The following CEP152 variants were observed in gnomAD, a reference collection of about 807,000 sequenced individuals.
CEP152 encodes the protein centrosomal protein of 152 kDa.
In CEP152, 132 loss-of-function variants were observed where a neutral mutation model predicts 188.9. The ratio of observed to expected loss-of-function variants is 0.70; its 90% CI spans 0.61 to 0.81. CEP152 has a LOEUF of 0.81. Ranked by LOEUF, CEP152 falls within the 30% of genes least tolerant of loss-of-function variation. CEP152 has a pLI of 0.00. For missense variants in CEP152, 1,914 were observed against 1,969.8 expected (o/e 0.97, Z 0.54); for synonymous variants, 649 against 666.6 (o/e 0.97, Z 0.41).
chr15:48,752,859 A>G (rs533016081), intron 20 of CEP152, among the ~76,000 whole-genome samples: 6 of 152,374 alleles, frequency 3.9e-5, no homozygotes, highest in African/African-American at 1.4e-4. Context: ...GGAACAAGTT[A>G]ATTAGCAAGT....
At chr15:48,772,791 C>G in intron 12 of CEP152, 100 bp from the exon 13 acceptor site, 1 of 990,144 alleles carries the variant, frequency 1.0e-6, no homozygotes, top group Non-Finnish European at 1.6e-6. Context: ...TGTTTTGTCA[C>G]CTATACAATT....
Position 48,738,398 on chromosome 15 carries a change from G to A in CEP152, c.4984C>T (p.His1662Tyr). The A allele has an allele frequency of 6.2e-7, 1 of 1,614,176 alleles. No homozygotes were observed. Among genetic ancestry groups the A allele is most frequent in the Non-Finnish European group, 8.5e-7 (1 of 1,180,004 alleles). ...TCTGACTTTAATCTATCAGCCTTAT[G>A]ACGAGATGGGTGTCCACAATTCACA... ...ISVNCGHPSR[H>Y]KADRLKSDFK... is the part of the protein sequence containing the mutation. The change falls in exon 27 of 27, where the codon CAT becomes TAT. Residue 1662 changes from histidine to tyrosine, a missense_variant. His to Tyr is a moderately conservative substitution (Grantham distance 83). Transcript: ENST00000380950.
At chr15:48,766,998 A>C (rs1895161456) in intron 17 of CEP152, 62 bp downstream of exon 17, 2 of 1,600,212 alleles carry the variant, frequency 1.2e-6, no homozygotes, top group Non-Finnish European at 1.7e-6. Flanking sequence ...TATTCGTTTA[A>C]ATGATAATAC....
At chr15:48,755,042 C>A (rs1003394579) in intron 20 of CEP152, among the ~76,000 whole-genome samples, 2 of 151,194 alleles carry the variant, frequency 1.3e-5, no homozygotes, top group Non-Finnish European at 2.9e-5. Context: ...TGCCTCTAAT[C>A]CCAAATGTTG....
rs1179458292 is a variant in CEP152 at position 48,738,552 on chromosome 15, CTGTT to C, written c.4826_4829del (p.Lys1609SerfsTer16). On this transcript the variant is annotated frameshift_variant, in exon 27 of 27. Coordinates refer to ENST00000380950, the MANE Select transcript of CEP152 (RefSeq NM_001194998.2). LOFTEE classifies it low-confidence loss of function (END_TRUNC). ...CTGAAAGATAACCGGATGGTGAAAACTGTTTGGATTTAACAGATTCACTTGGTAT... is the reference window on the plus strand; with the variant it reads ...CTGAAAGATAACCGGATGGTGAAAACTGGATTTAACAGATTCACTTGGTAT... 3 of 1,614,040 alleles carry C rather than the reference CTGTT, an allele frequency of 1.9e-6. No individual in the cohort carries two copies. The highest frequency in any genetic ancestry group is 1.3e-5 in the African/African-American group (1 of 74,922).
intron 12 of CEP152, among the ~76,000 whole-genome samples, chr15:48,780,175 T>A (rs760206520): frequency 1.6e-4 from 24 of 152,198 alleles, no homozygotes; most frequent in Non-Finnish European, 3.2e-4. Context: ...ACTAAATACA[T>A]CATATAATCC....
chr15:48,745,138 C>T lies in CEP152; in HGVS notation c.3635-146G>A. The T allele has an allele frequency of 9.1e-6, 5 of 547,434 alleles. 1 individual carries two copies. Among genetic ancestry groups the T allele is most frequent in the Non-Finnish European group, 1.6e-5 (5 of 318,206 alleles). 33.9% of individuals were successfully genotyped at this position (547,434 alleles called of 1,614,324 possible). A position where few individuals can be genotyped will look rare whatever the true frequency, so the allele number is the denominator to read the frequency against. On this transcript the variant is annotated intron_variant, in intron 22 of 26. Transcript: ENST00000380950. ...AACGTTCATCCCCTTAGAAACCCTA[C>T]TCAGACCATTCCCTTGCTCTGTTTT...
Position 48,788,904 on chromosome 15 carries a change from T to A in CEP152, c.1070A>T (p.Glu357Val). Residue 357 changes from glutamate (E) to valine (V), a missense_variant, in exon 9 of 27, where the codon GAA becomes GTA. Coordinates refer to ENST00000380950, the MANE Select transcript of CEP152 (RefSeq NM_001194998.2). ...GCCCATAACAATGCTCTCATGCTGT[T>A]CTCTAGCTCGTTGAAGTGATTCAGA... is the stretch of plus-strand genomic sequence containing the variant. ...HHSESLQRAR[E>V]QHESIVMGLT... 6.2e-7 allele frequency: 1 copy of A among 1,614,148 alleles called. No individual in the cohort carries two copies. Among genetic ancestry groups the A allele is most frequent in the Non-Finnish European group, 8.5e-7 (1 of 1,180,006 alleles).
chr15:48,805,467 C>A, intron 2 of CEP152, 96 bp downstream of exon 2: 4 of 1,455,010 alleles, frequency 2.7e-6, no homozygotes, highest in Non-Finnish European at 2.7e-6. Context: ...CAAATCCCTT[C>A]AAAATGACAC....
intron 12 of CEP152, among the ~76,000 whole-genome samples, chr15:48,774,008 T>C (rs996226273): frequency 6.6e-6 from 1 of 152,104 alleles, no homozygotes; most frequent in African/African-American, 2.4e-5. Context: ...TTTCATATGT[T>C]CTAGAAGGTT....
In CEP152 at chr15:48,762,509, T is replaced by C. The variant is rs183877028; in HGVS notation, c.2444A>G (p.Glu815Gly). 6.2e-7 allele frequency: 1 copy of C among 1,614,136 alleles called. No homozygotes were observed. Among genetic ancestry groups the C allele is most frequent in the Non-Finnish European group, 8.5e-7 (1 of 1,180,002 alleles). ...GTTTTGCTGGATTGTGCACTTCTGC[T>C]CTTCTATCATAATTGCCATCTCTTT... Reference protein sequence around the residue: ...SKKEMAIMIEEQKCTIQQNLE... With the variant: ...SKKEMAIMIEGQKCTIQQNLE... Residue 815 changes from glutamate to glycine, a missense_variant, in exon 18 of 27, where the codon GAG becomes GGG. Physicochemically the swap from Glu to Gly is moderately conservative, Grantham distance 98 (BLOSUM62 -2). Transcript: ENST00000380950.
chr15:48,785,715 CT>C (rs1487862944), intron 9 of CEP152, among the ~76,000 whole-genome samples: 2 of 152,042 alleles, frequency 1.3e-5, no homozygotes, highest in Non-Finnish European at 2.9e-5. Context: ...ACAGATCATA[CT>C]CATAAAACTT....
At chr15:48,761,953 G>T (rs1894719324) in intron 18 of CEP152, among the ~76,000 whole-genome samples, 1 of 152,010 alleles carries the variant, frequency 6.6e-6, no homozygotes, top group Admixed American at 6.6e-5. Context: ...TCCATTTAAG[G>T]GCACGCCTGC....
intron 17 of CEP152, chr15:48,765,712 G>A (rs1450817464): frequency 5.5e-6 from 2 of 361,934 alleles, no homozygotes; most frequent in African/African-American, 5.0e-5. Flanking sequence ...GGAGTGCAGT[G>A]GCGCAATCTC....
intron 12 of CEP152, among the ~76,000 whole-genome samples, chr15:48,775,922 TA>T (rs11292546): frequency 0.99 from 147,964 of 149,782 alleles, 73,096 homozygotes; most frequent in Middle Eastern, 1. Context: ...AATAAAACAG[TA>T]AAAAAAAAAA....
Position 48,797,491 on chromosome 15 carries a change from G to T in CEP152, c.350C>A (p.Pro117His), listed in dbSNP as rs1897374207. The part of the protein sequence containing the change: ...ENRSKTEDRH[P>H]VYHPEEGGDE... ...TCCACCTTCTTCAGGATGGTACACA[G>T]GATGTCGGTCTTCAGTTTTACTTCT... The change falls in exon 5 of 27, where the codon CCT (proline) becomes CAT (histidine). Residue 117 changes from proline to histidine, a missense_variant. Transcript: ENST00000380950. 3 of 1,613,966 alleles carry T rather than the reference G, an allele frequency of 1.9e-6. No individual in the cohort carries two copies. The African/African-American group carries it at 4.0e-5, about 22-fold the overall frequency.
chr15:48,738,532 A>T lies in CEP152; in HGVS notation c.4850T>A (p.Leu1617His). The T allele has an allele frequency of 6.2e-7, 1 of 1,614,208 alleles. No homozygotes were observed. Among genetic ancestry groups the T allele is most frequent in the Non-Finnish European group, 8.5e-7 (1 of 1,180,028 alleles). ...CATATTACTTTCCTCTGTATCTGAA[A>T]GATAACCGGATGGTGAAAACTGTTT... Reference protein sequence around the residue: ...KSKQFSPSGYLSDTEESNMIC... With the variant: ...KSKQFSPSGYHSDTEESNMIC... Residue 1617 changes from leucine (L) to histidine (H), a missense_variant, in exon 27 of 27, where the codon CTT (leucine) becomes CAT (histidine). Transcript: ENST00000380950.
At chr15:48,771,567 T>C (rs896262443) in intron 13 of CEP152, among the ~76,000 whole-genome samples, 2 of 152,200 alleles carry the variant, frequency 1.3e-5, no homozygotes, top group Non-Finnish European at 2.9e-5. Flanking sequence ...GCAGATTCCT[T>C]GTTACAGAGA....
chr15:48,760,704 A>C lies in CEP152; in HGVS notation c.2563-438T>G, dbSNP rs964503029. On this transcript the variant is annotated intron_variant, in intron 18 of 26. Coordinates refer to ENST00000380950, the MANE Select transcript of CEP152 (RefSeq NM_001194998.2). ...ATACACTGATCTAGTTTAGAGCCCTACACCTGCGAACTTTCCTACTGTCGA... is the reference window on the plus strand; with the variant it reads ...ATACACTGATCTAGTTTAGAGCCCTCCACCTGCGAACTTTCCTACTGTCGA... Among the ~76,000 whole-genome samples, 3 of 152,256 alleles carry C rather than the reference A, an allele frequency of 2.0e-5. No homozygotes were observed. In the East Asian group the frequency reaches 5.8e-4, roughly 29 times the overall value.
Sources: allele counts gnomAD v4.1 joint callset (sites outside exome capture counted in the v4.1 genomes callset), GRCh38; gene constraint gnomAD v4.1.1; transcripts MANE v1.5; gene names NCBI Gene and HGNC (gene_info 2026-07-23, HGNC 2026-07-21).